Variants in A1CF observed in about 807,000 individuals in gnomAD.
A1CF encodes APOBEC-1 stimulating protein.
In A1CF, 48 loss-of-function variants were observed where a neutral mutation model predicts 68.9. That is an observed-to-expected ratio of 0.70 (90% confidence interval 0.55 to 0.89). The LOEUF (loss-of-function observed/expected upper bound fraction) is 0.89, where lower values mean the gene tolerates loss of function less well. Ranked by LOEUF, A1CF falls within the 40% of genes least tolerant of loss-of-function variation. The pLI is 0.00. For synonymous variants in A1CF, 272 were observed against 260.4 expected, an observed-to-expected ratio of 1.04 and a Z score of -0.43; for missense variants, 653 against 718.9, an observed-to-expected ratio of 0.91 and a Z score of 1.05.
At chr10:50,863,987 A>T (rs1179711159) in intron 2 of A1CF, 46 bp downstream of exon 2, 1 of 152,218 alleles carries the variant, frequency 6.6e-6, no homozygotes, top group Non-Finnish European at 1.5e-5. Flanking sequence ...GAATATGTAC[A>T]ACTAATATAT....
chr10:50,883,547 C>G (rs772189657), intron 1 of A1CF, among the ~76,000 whole-genome samples: 3 of 152,132 alleles, frequency 2.0e-5, no homozygotes, highest in Non-Finnish European at 2.9e-5. Context: ...GATTTTTCAA[C>G]TGTGATTATT....
Position 50,836,255 on chromosome 10 carries a change from C to T in A1CF, c.423G>A (p.Gly141=). The T allele has an allele frequency of 6.2e-7, 1 of 1,613,912 alleles. No homozygotes were observed. The highest frequency in any genetic ancestry group is 8.5e-7 in the Non-Finnish European group (1 of 1,179,886). The change falls in exon 6 of 13, where the codon GGG becomes GGA. Residue 141 remains glycine (G), a synonymous_variant. Transcript: ENST00000373997. ...CTCTCTTTTTGGTTTTTGGGATGCC[C>T]CCAACAAATAATCGGCAGTTGTCCA... The part of the protein sequence containing the change: ...ASVDNCRLFV[G]GIPKTKKREE...
Position 50,800,984 on chromosome 10 carries a change from A to C in A1CF, c.*5745T>G, listed in dbSNP as rs1434154250. 6.6e-6 allele frequency: 1 copy of C among 152,200 alleles called. No homozygotes were observed. Among genetic ancestry groups the C allele is most frequent in the African/African-American group, 2.4e-5 (1 of 41,458 alleles). The allele number at this position is 152,200 out of a possible 1,614,324, so 9.4% of individuals were successfully genotyped here. The stretch of plus-strand genomic sequence containing the variant: ...AAGTAACTCAACTCAAGGAAGAAAG[A>C]AACCAATAAATGCTCTAATACCCTA... On this transcript the variant is annotated 3_prime_UTR_variant, in exon 13 of 13. Coordinates refer to ENST00000373997, the MANE Select transcript of A1CF (RefSeq NM_014576.4).
intron 2 of A1CF, among the ~76,000 whole-genome samples, chr10:50,861,411 G>A (rs1476643530): frequency 2.7e-5 from 4 of 148,558 alleles, no homozygotes; most frequent in African/African-American, 9.8e-5. Flanking sequence ...ATCACTAATA[G>A]TAGTAATGAT....
rs1413676643 is a variant in A1CF at position 50,859,865 on chromosome 10, G to T, written c.76C>A (p.Arg26Ser). 12 of 1,613,820 alleles carry T rather than the reference G, an allele frequency of 7.4e-6. No homozygotes were observed. The highest frequency in any genetic ancestry group is 3.3e-5 in the South Asian group (3 of 91,080). The change falls in exon 3 of 13, where the codon CGC becomes AGC. Residue 26 changes from arginine to serine, a missense_variant. Coordinates refer to ENST00000373997, the MANE Select transcript of A1CF (RefSeq NM_014576.4). ...KEAALRALVQ[R>S]TGYSLVQENG... ...ACCTGGACCAAGCTATATCCTGTGC[G>T]CTGGACCAGTGCGCGGAGGGCTGCT...
chr10:50,825,245 C>T (rs1299458356), intron 7 of A1CF, among the ~76,000 whole-genome samples: 1 of 152,116 alleles, frequency 6.6e-6, no homozygotes, highest in Non-Finnish European at 1.5e-5. Flanking sequence ...CCCTTATTAA[C>T]AACCTAGATA....
At position 50,873,290 on chromosome 10, in the gene A1CF, A is replaced by G. The variant is rs115276967; in HGVS notation, c.-93-9210T>C. 7.9e-3 allele frequency among the ~76,000 whole-genome samples: 1,193 copies of G among 151,884 alleles called. 22 individuals are homozygous for G. Among genetic ancestry groups the G allele is most frequent in the African/African-American group, 0.027 (1,129 of 41,464 alleles). The stretch of plus-strand genomic sequence containing the variant: ...CTTTAAAGTGTTGATTCTTCTTTCC[A>G]CTGATCTTTAGTTCTTCTGGATTGT... On this transcript the variant is annotated intron_variant, in intron 1 of 12. Transcript: ENST00000373997.
At chr10:50,822,430 T>C (rs1588979056) in intron 7 of A1CF, among the ~76,000 whole-genome samples, 1 of 152,198 alleles carries the variant, frequency 6.6e-6, no homozygotes, top group East Asian at 1.9e-4. Context: ...GTCCTTTCTG[T>C]CCTTATCAAA....
chr10:50,882,714 A>G (rs1268843372), intron 1 of A1CF, among the ~76,000 whole-genome samples: 2 of 152,182 alleles, frequency 1.3e-5, no homozygotes, highest in African/African-American at 4.8e-5. Flanking sequence ...TTCTGTGAAT[A>G]AGATAAAATG....
chr10:50,820,731 G>T, intron 7 of A1CF, 82 bp from the exon 8 acceptor site: 1 of 1,148,084 alleles, frequency 8.7e-7, no homozygotes, highest in Non-Finnish European at 1.2e-6. Flanking sequence ...TAGCTGCAAA[G>T]AGTATTTGAT....
intron 1 of A1CF, among the ~76,000 whole-genome samples, chr10:50,876,463 G>C (rs1476897497): frequency 6.6e-6 from 1 of 152,176 alleles, no homozygotes; most frequent in Non-Finnish European, 1.5e-5. Context: ...AAAAGATCTT[G>C]GAAAATTTTA....
At chr10:50,871,121 A>C (rs1482512245) in intron 1 of A1CF, among the ~76,000 whole-genome samples, 1 of 151,820 alleles carries the variant, frequency 6.6e-6, no homozygotes, top group Non-Finnish European at 1.5e-5. Flanking sequence ...AACATGAAAC[A>C]AACATTATAC....
intron 3 of A1CF, 57 bp from the exon 4 acceptor site, chr10:50,844,179 A>G: frequency 6.3e-7 from 1 of 1,578,644 alleles, no homozygotes; most frequent in Non-Finnish European, 8.6e-7. Context: ...CTTTAATTCA[A>G]TTTCCCTGAG....
intron 1 of A1CF, among the ~76,000 whole-genome samples, chr10:50,869,882 A>G (rs914925229): frequency 1.3e-5 from 2 of 151,918 alleles, no homozygotes; most frequent in Non-Finnish European, 1.5e-5. Flanking sequence ...TTATTTGACT[A>G]TTTTTAGCTT....
At chr10:50,858,914 A>T (rs1028578563) in intron 3 of A1CF, among the ~76,000 whole-genome samples, 1 of 152,102 alleles carries the variant, frequency 6.6e-6, no homozygotes, top group Admixed American at 6.6e-5. Context: ...GAAGAAAATA[A>T]CTATTACTAT....
chr10:50,820,304 T>C (rs1030706717), intron 8 of A1CF, among the ~76,000 whole-genome samples: 8 of 152,202 alleles, frequency 5.3e-5, no homozygotes, highest in Admixed American at 5.2e-4. Context: ...CCTCTTTCCA[T>C]GGAAATTGAG....
At chr10:50,866,693 A>ACAAGATAAATGTGTTT (rs1236843044) in intron 1 of A1CF, among the ~76,000 whole-genome samples, 1 of 152,180 alleles carries the variant, frequency 6.6e-6, no homozygotes, top group Non-Finnish European at 1.5e-5. Context: ...TTTATCTTGT[A>ACAAGATAAATGTGTTT]CCTAAAAGCT....
At chr10:50,839,207 T>A (rs1489780420) in intron 5 of A1CF, among the ~76,000 whole-genome samples, 1 of 152,204 alleles carries the variant, frequency 6.6e-6, no homozygotes, top group East Asian at 1.9e-4. Flanking sequence ...TGTCCAAAAG[T>A]ATTTACAGGC....
At chr10:50,834,894 ACT>A (rs1467514589) in intron 6 of A1CF, among the ~76,000 whole-genome samples, 4 of 152,166 alleles carry the variant, frequency 2.6e-5, no homozygotes, top group African/African-American at 9.7e-5. Flanking sequence ...GATACAAAAG[ACT>A]TTTCAATGGT....
Sources: gnomAD v4.1 joint callset for allele counts (sites outside exome capture counted in the v4.1 genomes callset) on GRCh38, gnomAD v4.1.1 for gene constraint, MANE v1.5 for transcripts, NCBI Gene and HGNC (gene_info 2026-07-23, HGNC 2026-07-21) for gene names.